Variants in PDCD6 observed in about 807,000 individuals in gnomAD.
The protein encoded by PDCD6 is programmed cell death 6, also known as programmed cell death protein 6.
In PDCD6, 12 loss-of-function variants were observed where a neutral mutation model predicts 28.3. The ratio of observed to expected loss-of-function variants is 0.42; its 90% CI spans 0.27 to 0.69. PDCD6 has a LOEUF of 0.69. PDCD6 is among the 30% of genes least tolerant of loss of function. The probability of loss-of-function intolerance (pLI) is 0.22; values close to 1 mark genes in which losing one functional copy is unlikely to be tolerated. For synonymous variants in PDCD6, 92 were observed against 108.0 expected (o/e 0.85, Z 0.92); for missense variants, 226 against 269.9 (o/e 0.84, Z 1.14).
chr5:273,699 G>A (rs1441576381), intron 2 of PDCD6, among the ~76,000 whole-genome samples: 1 of 150,532 alleles, frequency 6.6e-6, no homozygotes, highest in Non-Finnish European at 1.5e-5. Flanking sequence ...GGGTGGGGGG[G>A]TGCTGGATTC....
chr5:303,297 T>TTAAA (rs754712426), intron 2 of PDCD6, among the ~76,000 whole-genome samples: 5 of 129,228 alleles, frequency 3.9e-5, no homozygotes, highest in South Asian at 2.5e-4. Context: ...TTTTTGTGCA[T>TTAAA]AAAAAAAAAA....
At chr5:279,301 C>T (rs1232906358) in intron 2 of PDCD6, among the ~76,000 whole-genome samples, 1 of 152,078 alleles carries the variant, frequency 6.6e-6, no homozygotes, top group African/African-American at 2.4e-5. Context: ...CTTCTGCCAA[C>T]GAGATTTTCA....
chr5:286,472 G>A (rs555402906), intron 2 of PDCD6, among the ~76,000 whole-genome samples: 1 of 152,182 alleles, frequency 6.6e-6, no homozygotes, highest in East Asian at 1.9e-4. Flanking sequence ...ACCTGGGGAG[G>A]AGCTGATGTT....
At chr5:284,754 G>A (rs1455262440) in intron 2 of PDCD6, among the ~76,000 whole-genome samples, 1 of 150,162 alleles carries the variant, frequency 6.7e-6, no homozygotes, top group East Asian at 2.0e-4. Context: ...AGACACCGCG[G>A]GGAGCTCATG....
At chr5:300,014 G>T (rs1455245420) in intron 2 of PDCD6, among the ~76,000 whole-genome samples, 2 of 152,194 alleles carry the variant, frequency 1.3e-5, no homozygotes, top group East Asian at 1.9e-4. Context: ...AGGGATGTGG[G>T]TGATGGTATT....
At chr5:295,998 T>C (rs1486885957) in intron 2 of PDCD6, among the ~76,000 whole-genome samples, 1 of 152,064 alleles carries the variant, frequency 6.6e-6, no homozygotes, top group African/African-American at 2.4e-5. Flanking sequence ...CAGGCACTCA[T>C]GATGGGTGAG....
At chr5:290,685 G>A (rs1295071702) in intron 2 of PDCD6, among the ~76,000 whole-genome samples, 3 of 152,246 alleles carry the variant, frequency 2.0e-5, no homozygotes, top group Non-Finnish European at 4.4e-5. Flanking sequence ...GCTATTCTGT[G>A]AGTTCTGGCA....
chr5:280,950 C>T (rs1346515718), intron 2 of PDCD6, among the ~76,000 whole-genome samples: 1 of 152,260 alleles, frequency 6.6e-6, no homozygotes, highest in Non-Finnish European at 1.5e-5. Context: ...AGGGGAGTAA[C>T]AGTTGGGATT....
At chr5:310,915 T>C (rs1740871087) in intron 4 of PDCD6, 1 of 211,466 alleles carries the variant, frequency 4.7e-6, no homozygotes, top group South Asian at 7.4e-5. Context: ...ATAAAATCAA[T>C]AAGGACTTTG....
chr5:306,859 C>G, intron 4 of PDCD6, 99 bp downstream of exon 4: 1 of 1,246,724 alleles, frequency 8.0e-7, no homozygotes, highest in East Asian at 2.4e-5. Flanking sequence ...ATTGTCTAAC[C>G]AGGCTACGTA....
chr5:290,407 C>T (rs368984936), intron 2 of PDCD6: 67 of 745,256 alleles, frequency 9.0e-5, no homozygotes, highest in East Asian at 9.9e-5. Context: ...CCGACGTCCT[C>T]CCACTCCCTC....
At chr5:289,070 C>T (rs1739162522) in intron 2 of PDCD6, 1 of 1,289,782 alleles carries the variant, frequency 7.8e-7, no homozygotes, top group Non-Finnish European at 1.1e-6. Flanking sequence ...CCTCAAAAGT[C>T]TCTTCATTCA....
intron 2 of PDCD6, 194 bp downstream of exon 2, chr5:272,966 C>T: frequency 9.2e-7 from 1 of 1,083,510 alleles, no homozygotes; most frequent in Non-Finnish European, 1.3e-6. Flanking sequence ...AGTGCCTCAC[C>T]GAGCCAGCTA....
In PDCD6 at chr5:307,655, C is replaced by T. The variant is rs939862924; in HGVS notation, c.367+895C>T. On this transcript the variant is annotated intron_variant, in intron 4 of 5. Transcript: ENST00000264933. This position sits in a 1 kb window ranked among gnomAD's most constrained non-coding sequence, Gnocchi z 6.1. ...GGCTGCACCGAGATTCTAATCCATGCGGATCTCATCTGGCCCCTGTTGTGA... is the reference window on the plus strand; with the variant it reads ...GGCTGCACCGAGATTCTAATCCATGTGGATCTCATCTGGCCCCTGTTGTGA... Among the ~76,000 whole-genome samples the T allele has an allele frequency of 2.0e-5, 3 of 152,158 alleles. No individual in the cohort carries two copies. Among genetic ancestry groups the T allele is most frequent in the African/African-American group, 4.8e-5 (2 of 41,416 alleles).
At chr5:306,478 A>C (rs1294584776) in intron 3 of PDCD6, 124 bp from the exon 4 acceptor site, 2 of 810,936 alleles carry the variant, frequency 2.5e-6, no homozygotes, top group Non-Finnish European at 4.2e-6. Flanking sequence ...TGCATTGCCC[A>C]GTCCCTGGTT....
intron 5 of PDCD6, among the ~76,000 whole-genome samples, chr5:313,207 A>G (rs1455203716): frequency 6.6e-6 from 1 of 152,254 alleles, no homozygotes; most frequent in Non-Finnish European, 1.5e-5. Context: ...TGCAGACCTC[A>G]AGTTAAAATT....
Position 314,089 on chromosome 5 carries a change from T to G in PDCD6, c.478-328T>G, listed in dbSNP as rs536187581. 2.0e-5 allele frequency among the ~76,000 whole-genome samples: 3 copies of G among 152,278 alleles called. No homozygotes were observed. In the East Asian group the frequency reaches 5.8e-4, roughly 29 times the overall value. On this transcript the variant is annotated intron_variant, in intron 5 of 5. Coordinates refer to ENST00000264933, the MANE Select transcript of PDCD6 (RefSeq NM_013232.4). ...GGCGAGCCACTGGAGGGTGGAGGGCTTCCACGGGACGGTCTTCAGGGGGAG... is the reference window on the plus strand; with the variant it reads ...GGCGAGCCACTGGAGGGTGGAGGGCGTCCACGGGACGGTCTTCAGGGGGAG...
Position 305,468 on chromosome 5 carries a change from A to C in PDCD6, c.209-1134A>C, listed in dbSNP as rs1414809136. ...CTACGTCACACTGATGGAGGGAGAG[A>C]AAACTTGGAAGTGTAGTAGTGGCAG... On this transcript the variant is annotated intron_variant, in intron 3 of 5. Transcript: ENST00000264933. This position sits in a 1 kb window ranked among gnomAD's most constrained non-coding sequence, Gnocchi z 4.0. 6.6e-6 allele frequency: 1 copy of C among 152,100 alleles called. No homozygotes were observed. Among genetic ancestry groups the C allele is most frequent in the Non-Finnish European group, 1.5e-5 (1 of 68,030 alleles). The allele number at this position is 152,100 out of a possible 1,614,324, so 9.4% of individuals were successfully genotyped here.
intron 2 of PDCD6, chr5:276,820 G>T: frequency 2.0e-6 from 2 of 985,404 alleles, no homozygotes; most frequent in Non-Finnish European, 2.4e-6. Context: ...ATTCCTTCAT[G>T]AGACTTGTTT....
Sources: allele counts gnomAD v4.1 joint callset (sites outside exome capture counted in the v4.1 genomes callset), GRCh38; gene constraint gnomAD v4.1.1; non-coding constraint Gnocchi (gnomAD v3.1); transcripts MANE v1.5; gene names NCBI Gene and HGNC (gene_info 2026-07-23, HGNC 2026-07-21).